Variants in CPA6 observed in about 807,000 individuals in gnomAD.
CPA6 encodes the protein carboxypeptidase A6.
CPA6 carries 58 observed loss-of-function variants against 63.3 expected under a neutral mutation model. That is an observed-to-expected ratio of 0.92 (90% CI 0.74 to 1.14). CPA6 has a LOEUF of 1.14. Among genes scored for constraint, CPA6 ranks in the 50% most tolerant of loss-of-function variants. CPA6 has a pLI of 0.00. For missense variants in CPA6, 565 were observed against 526.6 expected (o/e 1.07, Z -0.71); for synonymous variants, 185 against 179.0 (o/e 1.03, Z -0.27).
At chr8:67,586,190 G>A (rs1463844197) in intron 2 of CPA6, among the ~76,000 whole-genome samples, 1 of 152,134 alleles carries the variant, frequency 6.6e-6, no homozygotes, top group Non-Finnish European at 1.5e-5. Flanking sequence ...CATGAGGAAA[G>A]GGTAGGCTAT....
chr8:67,543,702 A>G (rs1948823), intron 2 of CPA6, among the ~76,000 whole-genome samples: 116,273 of 151,774 alleles, frequency 0.77, 44,945 homozygotes, highest in Non-Finnish European at 0.83. Context: ...ATATGTTCAC[A>G]TTGTTGTGAA....
intron 2 of CPA6, among the ~76,000 whole-genome samples, chr8:67,588,120 T>A (rs1366825749): frequency 6.6e-6 from 1 of 152,054 alleles, no homozygotes; most frequent in Non-Finnish European, 1.5e-5. Flanking sequence ...GATAACTGGG[T>A]AGTTGGTGTA....
intron 8 of CPA6, among the ~76,000 whole-genome samples, chr8:67,455,340 C>T (rs1810647538): frequency 6.6e-6 from 1 of 151,962 alleles, no homozygotes; most frequent in Non-Finnish European, 1.5e-5. Flanking sequence ...GTTGGGAAAA[C>T]GTGTTGCTAT....
At chr8:67,534,712 ATC>A (rs961303644) in intron 2 of CPA6, among the ~76,000 whole-genome samples, 6 of 152,132 alleles carry the variant, frequency 3.9e-5, no homozygotes, top group Admixed American at 1.3e-4. Flanking sequence ...TTTGAAAAAT[ATC>A]TTTTTTTTTT....
chr8:67,460,448 A>G (rs1810775190), intron 8 of CPA6, among the ~76,000 whole-genome samples: 1 of 152,264 alleles, frequency 6.6e-6, no homozygotes. Flanking sequence ...ATAAAGGTAG[A>G]GATACCAGCA....
At chr8:67,483,697 T>A (rs1370191793) in intron 8 of CPA6, 71 bp downstream of exon 8, 3 of 1,226,538 alleles carry the variant, frequency 2.4e-6, no homozygotes, top group African/African-American at 1.5e-5. Context: ...GAGAGTCCTC[T>A]GGACTCATAT....
intron 1 of CPA6, among the ~76,000 whole-genome samples, chr8:67,709,380 C>G (rs1817204689): frequency 6.6e-6 from 1 of 152,188 alleles, no homozygotes; most frequent in Non-Finnish European, 1.5e-5. Flanking sequence ...ACTCCTGCTC[C>G]AAAACCTGCC....
At chr8:67,527,142 G>A (rs1050956919) in intron 2 of CPA6, among the ~76,000 whole-genome samples, 1 of 152,144 alleles carries the variant, frequency 6.6e-6, no homozygotes, top group Non-Finnish European at 1.5e-5. Flanking sequence ...TTCCTCTACT[G>A]TCTTTTGATG....
At chr8:67,706,485 C>T (rs1322530047) in intron 1 of CPA6, among the ~76,000 whole-genome samples, 1 of 151,334 alleles carries the variant, frequency 6.6e-6, no homozygotes, top group East Asian at 1.9e-4. Flanking sequence ...TAAAAGATTA[C>T]AAGAAATGGG....
intron 1 of CPA6, among the ~76,000 whole-genome samples, chr8:67,625,384 T>C (rs1031098786): frequency 1.3e-5 from 2 of 152,232 alleles, no homozygotes; most frequent in Non-Finnish European, 2.9e-5. Context: ...GTAAAGGTCC[T>C]GAATTACCTA....
At chr8:67,424,330 C>T (rs1387693040) in intron 10 of CPA6, among the ~76,000 whole-genome samples, 1 of 152,200 alleles carries the variant, frequency 6.6e-6, no homozygotes, top group Non-Finnish European at 1.5e-5. Flanking sequence ...CGTGGAATAA[C>T]TGTCTTCCAT....
In CPA6 at chr8:67,422,454, G is replaced by A; in HGVS notation, c.*50C>T. ...GAAAACAATTTCTATCCAGGGCCAA[G>A]TAGGCCTTGCTCAGAATCCTATGGC... On this transcript the variant is annotated 3_prime_UTR_variant, in exon 11 of 11. Transcript: ENST00000297770. The A allele has an allele frequency of 6.6e-7, 1 of 1,515,606 alleles. No homozygotes were observed. Among genetic ancestry groups the A allele is most frequent in the Non-Finnish European group, 9.1e-7 (1 of 1,104,016 alleles). The allele number at this position is 1,515,606 out of a possible 1,614,324, so 93.9% of individuals were successfully genotyped here.
intron 8 of CPA6, among the ~76,000 whole-genome samples, chr8:67,440,199 G>C (rs1337053522): frequency 6.6e-6 from 1 of 152,132 alleles, no homozygotes; most frequent in East Asian, 1.9e-4. Flanking sequence ...CCTCTTCCTA[G>C]CTTTGGGTGG....
intron 1 of CPA6, among the ~76,000 whole-genome samples, chr8:67,675,274 C>T (rs1418231852): frequency 2.6e-5 from 4 of 152,110 alleles, no homozygotes; most frequent in African/African-American, 4.8e-5. Flanking sequence ...AGACATAGAC[C>T]TCTCCCAACG....
At chr8:67,477,507 T>G (rs1305801292) in intron 8 of CPA6, among the ~76,000 whole-genome samples, 1 of 152,026 alleles carries the variant, frequency 6.6e-6, no homozygotes, top group Admixed American at 6.6e-5. Context: ...TTCTTAGGAG[T>G]GGGATGTGAA....
At chr8:67,451,981 A>T (rs1810566892) in intron 8 of CPA6, among the ~76,000 whole-genome samples, 1 of 152,236 alleles carries the variant, frequency 6.6e-6, no homozygotes, top group African/African-American at 2.4e-5. Context: ...GGTACAAATC[A>T]ATGCTTATTA....
At chr8:67,719,898 G>T (rs544247673) in intron 1 of CPA6, among the ~76,000 whole-genome samples, 2 of 152,136 alleles carry the variant, frequency 1.3e-5, no homozygotes, top group African/African-American at 4.8e-5. Context: ...AGAAGTTGGC[G>T]TCCATGCATC....
At position 67,701,954 on chromosome 8, in the gene CPA6, C is replaced by T. The variant is rs190098041; in HGVS notation, c.116+44060G>A. Among the ~76,000 whole-genome samples, 21 of 152,272 alleles carry T rather than the reference C, an allele frequency of 1.4e-4. No homozygotes were observed. The East Asian group carries it at 2.7e-3, about 20-fold the overall frequency. On this transcript the variant is annotated intron_variant, in intron 1 of 10. Transcript: ENST00000297770. The stretch of plus-strand genomic sequence containing the variant: ...AGGACCCCTTTTGTATTCATCCCCA[C>T]GAACCCTAGGTTTGGGAAGATTGTG...
At chr8:67,586,851 T>G (rs1157691022) in intron 2 of CPA6, among the ~76,000 whole-genome samples, 2 of 152,176 alleles carry the variant, frequency 1.3e-5, no homozygotes, top group Admixed American at 6.5e-5. Context: ...AATAGTAGGC[T>G]GATGAGGCTG....
Sources: allele counts gnomAD v4.1 joint callset (sites outside exome capture counted in the v4.1 genomes callset), GRCh38; gene constraint gnomAD v4.1.1; transcripts MANE v1.5; gene names NCBI Gene and HGNC (gene_info 2026-07-23, HGNC 2026-07-21).